CACNA2D3: variants seen among roughly 807,000 people sequenced by gnomAD.
The protein encoded by CACNA2D3 is voltage-dependent calcium channel subunit alpha-2/delta-3.
Under a neutral mutation model 160.6 loss-of-function variants are expected in CACNA2D3, and 60 were observed. The observed-to-expected ratio is 0.37, with a 90% confidence interval of 0.30 to 0.46. CACNA2D3 has a LOEUF of 0.46. Ranked by LOEUF, CACNA2D3 falls within the 20% of genes least tolerant of loss-of-function variation. The pLI, the probability that CACNA2D3 is intolerant of heterozygous loss-of-function variation, is 1.00. For missense variants in CACNA2D3, 1,205 were observed against 1,365.0 expected (o/e 0.88, Z 1.85); for synonymous variants, 558 against 492.9 (o/e 1.13, Z -1.75).
At chr3:54,412,186 G>A (rs189509955) in intron 4 of CACNA2D3, among the ~76,000 whole-genome samples, 1 of 152,142 alleles carries the variant, frequency 6.6e-6, no homozygotes, top group African/African-American at 2.4e-5. Flanking sequence ...CTTCTTTTCT[G>A]ATGTAAACAT....
At chr3:54,295,968 G>A (rs1374514421) in intron 2 of CACNA2D3, among the ~76,000 whole-genome samples, 1 of 152,188 alleles carries the variant, frequency 6.6e-6, no homozygotes, top group East Asian at 1.9e-4. Context: ...GAATGACTGG[G>A]CTTTGACAAA....
chr3:54,141,099 G>GCGCGCACGTGCGCA (rs1553731398), intron 2 of CACNA2D3, among the ~76,000 whole-genome samples: 22 of 121,128 alleles, frequency 1.8e-4, no homozygotes, highest in African/African-American at 7.7e-4. Flanking sequence ...GCGCGCGCGC[G>GCGCGCACGTGCGCA]TGTGTGCATG....
At position 54,885,311 on chromosome 3, in the gene CACNA2D3, C is replaced by T. The variant is rs773282538; in HGVS notation, c.1943C>T (p.Ser648Phe). The change falls in exon 22 of 38, where the codon TCC becomes TTC. Residue 648 changes from serine to phenylalanine, a missense_variant. Ser to Phe is a radical substitution (Grantham distance 155). Around this residue, in one of 3 missense-constraint regions of CACNA2D3, gnomAD observed 911 missense variants for 1,002.2 expected, o/e 0.91. Transcript: ENST00000474759. ...GLHDLEHPDV[S>F]LADEWSYCNT... ...CATGACTTAGAACATCCCGATGTGT[C>T]CTTGGCAGATGAATGGTAAGAATTA... 6.8e-6 allele frequency: 11 copies of T among 1,613,908 alleles called. No individual in the cohort carries two copies. Among genetic ancestry groups the T allele is most frequent in the Admixed American group, 1.7e-5 (1 of 60,004 alleles).
At chr3:54,571,549 ACT>A (rs1264503871) in intron 8 of CACNA2D3, among the ~76,000 whole-genome samples, 1 of 146,332 alleles carries the variant, frequency 6.8e-6, no homozygotes, top group Non-Finnish European at 1.5e-5. Context: ...TGTTCCTCCC[ACT>A]CTCTTACCAA....
chr3:54,966,251 G>A (rs1006384225), intron 27 of CACNA2D3, among the ~76,000 whole-genome samples: 3 of 152,146 alleles, frequency 2.0e-5, no homozygotes, highest in Admixed American at 6.5e-5. Flanking sequence ...ACCCTGGAGT[G>A]ACTCTTTCAG....
intron 3 of CACNA2D3, among the ~76,000 whole-genome samples, chr3:54,355,987 T>C (rs1698643013): frequency 6.6e-6 from 1 of 152,104 alleles, no homozygotes; most frequent in Non-Finnish European, 1.5e-5. Context: ...CCTTGGTCAG[T>C]AGGATATTTG....
At chr3:54,307,244 A>G (rs1401490321) in intron 2 of CACNA2D3, among the ~76,000 whole-genome samples, 1 of 152,152 alleles carries the variant, frequency 6.6e-6, no homozygotes, top group African/African-American at 2.4e-5. Flanking sequence ...TTGATTCTGA[A>G]GTTGGTGACA....
chr3:54,422,276 G>C (rs1699848040), intron 4 of CACNA2D3, among the ~76,000 whole-genome samples: 1 of 152,194 alleles, frequency 6.6e-6, no homozygotes, highest in Non-Finnish European at 1.5e-5. Flanking sequence ...AACAGCAATA[G>C]CAAATTGGAG....
At chr3:54,607,821 C>T (rs1426872994) in intron 9 of CACNA2D3, among the ~76,000 whole-genome samples, 3 of 152,160 alleles carry the variant, frequency 2.0e-5, no homozygotes, top group African/African-American at 7.2e-5. Context: ...AAACTGGAAA[C>T]AACCCAAGTT....
intron 31 of CACNA2D3, among the ~76,000 whole-genome samples, chr3:55,001,954 C>T (rs975705251): frequency 3.9e-5 from 6 of 151,996 alleles, no homozygotes; most frequent in Admixed American, 6.6e-5. Context: ...GTCAGGAGTT[C>T]GAGACCAGCC....
chr3:54,931,422 T>C (rs1575386134), intron 27 of CACNA2D3, among the ~76,000 whole-genome samples: 1 of 152,214 alleles, frequency 6.6e-6, no homozygotes, highest in East Asian at 1.9e-4. Context: ...GGGTGTGTGA[T>C]ATGCATGCTA....
chr3:54,774,627 CTA>C (rs1463140920), intron 13 of CACNA2D3, among the ~76,000 whole-genome samples: 69 of 114,254 alleles, frequency 6.0e-4, no homozygotes, highest in African/African-American at 2.1e-3. Context: ...TGCTCTTTGA[CTA>C]TTTTTTTTTT....
At chr3:54,936,186 A>G (rs771127316) in intron 27 of CACNA2D3, among the ~76,000 whole-genome samples, 19 of 152,162 alleles carry the variant, frequency 1.2e-4, no homozygotes, top group Non-Finnish European at 2.4e-4. Context: ...AATCTTTTGC[A>G]CATAGTAATA....
At chr3:54,261,300 T>C (rs1041663945) in intron 2 of CACNA2D3, among the ~76,000 whole-genome samples, 7 of 152,218 alleles carry the variant, frequency 4.6e-5, no homozygotes, top group Admixed American at 6.5e-5. Context: ...CCGTCTTCTC[T>C]CCACATCTGG....
intron 35 of CACNA2D3, among the ~76,000 whole-genome samples, chr3:55,060,375 G>A (rs1037489711): frequency 3.3e-5 from 5 of 152,126 alleles, no homozygotes; most frequent in East Asian, 1.9e-4. Flanking sequence ...TGATAGTCAC[G>A]ATGATGGTGG....
intron 11 of CACNA2D3, among the ~76,000 whole-genome samples, chr3:54,707,113 C>T (rs1351567498): frequency 6.6e-6 from 1 of 152,200 alleles, no homozygotes; most frequent in African/African-American, 2.4e-5. Context: ...CAAGAGCCAG[C>T]TACTTCCTGA....
intron 2 of CACNA2D3, among the ~76,000 whole-genome samples, chr3:54,286,334 G>T (rs1443395197): frequency 6.6e-6 from 1 of 152,144 alleles, no homozygotes; most frequent in East Asian, 1.9e-4. Flanking sequence ...TATCAGCAAT[G>T]GAAGATGAAA....
At chr3:54,229,418 C>A (rs1005140974) in intron 2 of CACNA2D3, among the ~76,000 whole-genome samples, 1 of 152,162 alleles carries the variant, frequency 6.6e-6, no homozygotes, top group African/African-American at 2.4e-5. Flanking sequence ...TGGTCTCAAT[C>A]TCCTGACCTC....
At chr3:54,673,536 A>G (rs181479173) in intron 11 of CACNA2D3, among the ~76,000 whole-genome samples, 1 of 152,310 alleles carries the variant, frequency 6.6e-6, no homozygotes, top group African/African-American at 2.4e-5. Flanking sequence ...AATTAGTGAA[A>G]TCTGTAAGTC....
Sources: gnomAD v4.1 joint callset for allele counts (sites outside exome capture counted in the v4.1 genomes callset) on GRCh38, gnomAD v4.1.1 for gene constraint, gnomAD v4.1.1 regional missense constraint, MANE v1.5 for transcripts, NCBI Gene and HGNC (gene_info 2026-07-23, HGNC 2026-07-21) for gene names.